Variants in UGT1A3 observed in about 807,000 individuals in gnomAD.
UGT1A3 encodes UDP-glucuronosyltransferase 1A3.
Under a neutral mutation model 41.0 loss-of-function variants are expected in UGT1A3, and 31 were observed. The ratio of observed to expected loss-of-function variants is 0.76; its 90% confidence interval spans 0.57 to 1.02. The LOEUF (loss-of-function observed/expected upper bound fraction) is 1.02, where lower values mean the gene tolerates loss of function less well. UGT1A3 is among the 50% of genes least tolerant of loss of function. UGT1A3 has a pLI of 0.00. For synonymous variants in UGT1A3, 262 were observed against 257.6 expected (o/e 1.02, Z -0.17); for missense variants, 737 against 671.0 (o/e 1.10, Z -1.09).
rs1240637968 is a variant in UGT1A3 at position 233,729,257 on chromosome 2, T to A, written c.131T>A (p.Met44Lys). 6.2e-7 allele frequency: 1 copy of A among 1,613,994 alleles called. No homozygotes were observed. Among genetic ancestry groups the A allele is most frequent in the Non-Finnish European group, 8.5e-7 (1 of 1,179,936 alleles). Residue 44 changes from methionine to lysine, a missense_variant, in exon 1 of 5, where the codon ATG becomes AAG. Transcript: ENST00000482026. ...ATTGATGGCAGCCACTGGCTCAGCA[T>A]GCGGGAGGTCTTGCGGGAGCTCCAT... ...VPIDGSHWLSMREVLRELHAR... is the reference protein window; with the variant it reads ...VPIDGSHWLSKREVLRELHAR...
intron 1 of UGT1A3, chr2:233,760,520 C>T (rs779218106): frequency 6.8e-6 from 11 of 1,614,230 alleles, no homozygotes; most frequent in South Asian, 5.5e-5. Context: ...ACCTTGAAGA[C>T]GTACCCTGTG....
rs1699312336 is a variant in UGT1A3, at chr2:233,767,034, G to A, written c.868G>A (p.Glu290Lys). ...CTGAAAATTTTTCTTCTGGCTCTAG[G>A]AATTTGAAGCCTACATTAATGCTTC... ...NCANRKPLSQEFEAYINASGE... is the reference protein window; with the variant it reads ...NCANRKPLSQKFEAYINASGE... The change falls in exon 2 of 5, where the codon GAA becomes AAA. Residue 290 changes from glutamate (E) to lysine (K), a missense_variant and splice_region_variant. Physicochemically the swap from Glu to Lys is moderately conservative, Grantham distance 56. Transcript: ENST00000482026. 16 of 1,614,030 alleles carry A rather than the reference G, an allele frequency of 9.9e-6. No homozygotes were observed. The highest frequency in any genetic ancestry group is 1.4e-5 in the Non-Finnish European group (16 of 1,180,002).
At chr2:233,754,961 G>A (rs760905245) in intron 1 of UGT1A3, 13 of 1,310,256 alleles carry the variant, frequency 9.9e-6, no homozygotes, top group Admixed American at 9.5e-5. Flanking sequence ...GGCCGCCAAA[G>A]AACTCCCTGA....
intron 1 of UGT1A3, chr2:233,740,628 A>G (rs1368948290): frequency 1.3e-5 from 2 of 151,808 alleles, no homozygotes; most frequent in Non-Finnish European, 2.9e-5. Flanking sequence ...TCACAGGGTC[A>G]TGCCTTTCCT....
At position 233,754,261 on chromosome 2, in the gene UGT1A3, G is replaced by T. The variant is rs28900390; in HGVS notation, c.868-12773G>T. 8.6e-3 allele frequency: 1,501 copies of T among 174,210 alleles called. 34 individuals carry two copies. The highest frequency in any genetic ancestry group is 0.033 in the African/African-American group (1,401 of 41,884). The allele number at this position is 174,210 out of a possible 1,614,324, so 10.8% of individuals were successfully genotyped here. A position where few individuals can be genotyped will look rare whatever the true frequency, so the allele number is the denominator to read the frequency against. The stretch of plus-strand genomic sequence containing the variant: ...ACACTTTCCCAACGGAAAAAGGTAA[G>T]GCTCAAAGTGCTGAGATGAACATTC... On this transcript the variant is annotated intron_variant, in intron 1 of 4. Coordinates refer to ENST00000482026, the MANE Select transcript of UGT1A3 (RefSeq NM_019093.4).
At chr2:233,734,694 A>G (rs1291043334) in intron 1 of UGT1A3, among the ~76,000 whole-genome samples, 5 of 149,240 alleles carry the variant, frequency 3.4e-5, no homozygotes, top group Non-Finnish European at 7.3e-5. Flanking sequence ...AATGTGTCCC[A>G]GAGATTCTGG....
At chr2:233,762,893 C>G (rs960157189) in intron 1 of UGT1A3, among the ~76,000 whole-genome samples, 1 of 152,100 alleles carries the variant, frequency 6.6e-6, no homozygotes. Context: ...AATTCCATGC[C>G]AAATATCAGG....
At chr2:233,735,606 C>T (rs567993931) in intron 1 of UGT1A3, among the ~76,000 whole-genome samples, 14 of 152,270 alleles carry the variant, frequency 9.2e-5, no homozygotes, top group African/African-American at 2.6e-4. Context: ...TTCACAGCAT[C>T]GATAGTCTTT....
chr2:233,758,943 A>T (rs1444308221), intron 1 of UGT1A3, among the ~76,000 whole-genome samples: 2 of 152,240 alleles, frequency 1.3e-5, no homozygotes, highest in Non-Finnish European at 2.9e-5. Context: ...CAAATCAGTC[A>T]TCAGAATTTC....
chr2:233,767,788 G>C (rs527533927), intron 2 of UGT1A3, 61 bp from the exon 3 acceptor site: 33 of 1,613,882 alleles, frequency 2.0e-5, no homozygotes, highest in East Asian at 4.5e-5. Flanking sequence ...TAGTATAGCA[G>C]ATTTGTTTTC....
At chr2:233,760,834 G>A in intron 1 of UGT1A3, 1 of 1,613,564 alleles carries the variant, frequency 6.2e-7, no homozygotes, top group Non-Finnish European at 8.5e-7. Flanking sequence ...GGAATTTGAG[G>A]CTACCCAGTG....
chr2:233,755,373 C>T (rs534555830), intron 1 of UGT1A3: 63 of 357,550 alleles, frequency 1.8e-4, no homozygotes, highest in Non-Finnish European at 2.9e-4. Flanking sequence ...GCCTGGAGGG[C>T]CGCCCCTTAT....
chr2:233,735,517 G>A (rs2078663232), intron 1 of UGT1A3, among the ~76,000 whole-genome samples: 1 of 152,112 alleles, frequency 6.6e-6, no homozygotes, highest in Non-Finnish European at 1.5e-5. Context: ...TACATTTAAG[G>A]TAAATATTGT....
chr2:233,740,862 C>G (rs1413429391), intron 1 of UGT1A3: 1 of 151,810 alleles, frequency 6.6e-6, no homozygotes, highest in African/African-American at 2.4e-5. Flanking sequence ...TCTAAAAATT[C>G]TTTAAATAAA....
At chr2:233,758,188 A>G (rs1349167562) in intron 1 of UGT1A3, among the ~76,000 whole-genome samples, 2 of 152,180 alleles carry the variant, frequency 1.3e-5, no homozygotes, top group African/African-American at 4.8e-5. Flanking sequence ...TATTAATTGG[A>G]TTGCTTAGTA....
intron 1 of UGT1A3, among the ~76,000 whole-genome samples, chr2:233,735,969 A>C (rs1327406953): frequency 2.0e-5 from 3 of 152,092 alleles, no homozygotes; most frequent in Admixed American, 2.0e-4. Context: ...AACTTTGGTG[A>C]ATCTGACAAT....
chr2:233,729,650 A>G lies in UGT1A3; in HGVS notation c.524A>G (p.Asn175Ser). 1.2e-6 allele frequency: 2 copies of G among 1,613,870 alleles called. No homozygotes were observed. Among genetic ancestry groups the G allele is most frequent in the Non-Finnish European group, 1.7e-6 (2 of 1,179,858 alleles). Residue 175 changes from asparagine to serine, a missense_variant, in exon 1 of 5, where the codon AAC becomes AGC. Physicochemically the swap from Asn to Ser is conservative, Grantham distance 46. Transcript: ENST00000482026. ...LSIPTVFFLR[N>S]IPCDLDFKGT... ...ATTCCTACTGTGTTTTTTTTGAGGA[A>G]CATTCCATGTGATTTAGACTTTAAG...
chr2:233,755,452 CTGGCCCTGCTCTCTGTGAGGCTCTGTG>C (rs1695924346), intron 1 of UGT1A3: 1 of 306,254 alleles, frequency 3.3e-6, no homozygotes, highest in Admixed American at 4.3e-5. Flanking sequence ...GCTCCTGGGA[CTGGCCCTGCTCTCTGTGAGGCTCTGTG>C]AGGCCCTGTG....
chr2:233,765,958 G>T (rs1456773325), intron 1 of UGT1A3, among the ~76,000 whole-genome samples: 1 of 152,138 alleles, frequency 6.6e-6, no homozygotes, highest in East Asian at 1.9e-4. Flanking sequence ...CACCGGCAGT[G>T]TCTAGAGGTG....
Sources: gnomAD v4.1 joint callset for allele counts (sites outside exome capture counted in the v4.1 genomes callset) on GRCh38, gnomAD v4.1.1 for gene constraint, MANE v1.5 for transcripts, NCBI Gene and HGNC (gene_info 2026-07-23, HGNC 2026-07-21) for gene names.